The following SNAP29 variants were observed in gnomAD, a reference collection of about 807,000 sequenced individuals.
SNAP29 encodes the protein synaptosomal-associated protein 29.
Under a neutral mutation model 27.9 loss-of-function variants are expected in SNAP29, and 13 were observed. That is an observed-to-expected ratio of 0.47 (90% CI 0.30 to 0.74). The LOEUF (loss-of-function observed/expected upper bound fraction) is 0.74, where lower values mean the gene tolerates loss of function less well. SNAP29 is among the 30% of genes least tolerant of loss of function. The probability of loss-of-function intolerance (pLI) is 0.06; values close to 1 mark genes in which losing one functional copy is unlikely to be tolerated. For missense variants in SNAP29, 368 were observed against 336.5 expected, an observed-to-expected ratio of 1.09 and a Z score of -0.73; for synonymous variants, 119 against 127.1, an observed-to-expected ratio of 0.94 and a Z score of 0.43.
chr22:20,881,667 A>G (rs1928895628), intron 3 of SNAP29, among the ~76,000 whole-genome samples: 1 of 152,226 alleles, frequency 6.6e-6, no homozygotes, highest in Admixed American at 6.5e-5. Flanking sequence ...AGATCACGCC[A>G]CTGCACTATA....
chr22:20,876,335 G>C (rs964838516), intron 2 of SNAP29, among the ~76,000 whole-genome samples: 4 of 137,490 alleles, frequency 2.9e-5, no homozygotes, highest in African/African-American at 1.1e-4. Context: ...TCTGCTCACT[G>C]TATCCTCCAC....
intron 1 of SNAP29, among the ~76,000 whole-genome samples, chr22:20,867,533 C>T (rs1368985541): frequency 6.6e-6 from 1 of 152,190 alleles, no homozygotes; most frequent in Non-Finnish European, 1.5e-5. Context: ...GTCATTTCCT[C>T]TGCCTTCTGG....
At chr22:20,862,210 T>C (rs1294538243) in intron 1 of SNAP29, among the ~76,000 whole-genome samples, 1 of 152,234 alleles carries the variant, frequency 6.6e-6, no homozygotes, top group East Asian at 1.9e-4. Context: ...ATGGGTCACA[T>C]GATTGAGGAT....
intron 2 of SNAP29, chr22:20,870,959 G>C (rs1928576704): frequency 9.8e-6 from 3 of 305,012 alleles, no homozygotes; most frequent in Non-Finnish European, 1.9e-5. Flanking sequence ...CAACATAGTG[G>C]GAACCCAGTC....
rs556620539 is a variant in SNAP29 at position 20,887,932 on chromosome 22, T to G, written c.*96T>G. ...TCATTTACTATTTTAGTATGTAAAT[T>G]AATGTGTGTTTGCAAATGTTATAAT... is the stretch of plus-strand genomic sequence containing the variant. On this transcript the variant is annotated 3_prime_UTR_variant, in exon 5 of 5. Coordinates refer to ENST00000215730, the MANE Select transcript of SNAP29 (RefSeq NM_004782.4). 6 of 1,207,492 alleles carry G rather than the reference T, an allele frequency of 5.0e-6. No individual in the cohort carries two copies. In the Admixed American group the frequency reaches 1.1e-4, roughly 23 times the overall value. The allele number at this position is 1,207,492 out of a possible 1,614,324, so 74.8% of individuals were successfully genotyped here. A position where few individuals can be genotyped will look rare whatever the true frequency, so the allele number is the denominator to read the frequency against.
At chr22:20,880,761 C>T (rs1350582955) in intron 2 of SNAP29, among the ~76,000 whole-genome samples, 1 of 152,018 alleles carries the variant, frequency 6.6e-6, no homozygotes, top group Non-Finnish European at 1.5e-5. Context: ...CTCGTGGGCT[C>T]AGGCAATTCT....
In SNAP29 at chr22:20,870,592, G is replaced by A. The variant is rs1447542914; in HGVS notation, c.434+59G>A. On this transcript the variant is annotated intron_variant, in intron 2 of 4. Coordinates refer to ENST00000215730, the MANE Select transcript of SNAP29 (RefSeq NM_004782.4). ...AGCAGAAGTGGGGATTAGTGCAAAT[G>A]ACCAAGACTTTCAGTCCACGTCAGT... 14 of 1,506,054 alleles carry A rather than the reference G, an allele frequency of 9.3e-6. No homozygotes were observed. In the South Asian group the frequency reaches 1.5e-4, roughly 16 times the overall value. 93.3% of individuals were successfully genotyped at this position (1,506,054 alleles called of 1,614,324 possible).
At chr22:20,880,403 G>C (rs1324846201) in intron 2 of SNAP29, among the ~76,000 whole-genome samples, 1 of 151,750 alleles carries the variant, frequency 6.6e-6, no homozygotes, top group Non-Finnish European at 1.5e-5. Flanking sequence ...CTACTCGGGA[G>C]ACTAAGGCGG....
chr22:20,874,913 A>G (rs1928704254), intron 2 of SNAP29, among the ~76,000 whole-genome samples: 1 of 152,106 alleles, frequency 6.6e-6, no homozygotes, highest in Non-Finnish European at 1.5e-5. Flanking sequence ...TCCTCCATGT[A>G]CAAACTCAGG....
rs768916407 is a variant in SNAP29 at position 20,883,520 on chromosome 22, A to C, written c.570A>C (p.Pro190=). The C allele has an allele frequency of 6.2e-7, 1 of 1,613,816 alleles. No individual in the cohort carries two copies. The highest frequency in any genetic ancestry group is 8.5e-7 in the Non-Finnish European group (1 of 1,179,776). The change falls in exon 4 of 5, where the codon CCA becomes CCC. Residue 190 remains proline (P), a synonymous_variant. Transcript: ENST00000215730. ...CTGCCATGAGTACTGATGCTTACCC[A>C]AAGAACCCACACCTTCGAGCCTATC... is the stretch of plus-strand genomic sequence containing the variant. ...AGSAMSTDAY[P]KNPHLRAYHQ...
At chr22:20,864,748 C>T (rs1446523904) in intron 1 of SNAP29, among the ~76,000 whole-genome samples, 1 of 152,214 alleles carries the variant, frequency 6.6e-6, no homozygotes, top group Admixed American at 6.5e-5. Context: ...AGCACAATGT[C>T]CTTAAGCGTT....
intron 3 of SNAP29, among the ~76,000 whole-genome samples, chr22:20,882,663 C>T (rs1928916448): frequency 6.6e-6 from 1 of 152,160 alleles, no homozygotes; most frequent in African/African-American, 2.4e-5. Flanking sequence ...AAACCGGCCT[C>T]ATCACACCCT....
At chr22:20,886,073 A>G (rs1468193043) in intron 4 of SNAP29, among the ~76,000 whole-genome samples, 1 of 150,530 alleles carries the variant, frequency 6.6e-6, no homozygotes, top group Non-Finnish European at 1.5e-5. Context: ...GAGGCCATGA[A>G]TTTTAGTAAG....
At position 20,876,568 on chromosome 22, in the gene SNAP29, C is replaced by CTT. The variant is rs144163820; in HGVS notation, c.435-4465_435-4464dup. On this transcript the variant is annotated intron_variant, in intron 2 of 4. Coordinates refer to ENST00000215730, the MANE Select transcript of SNAP29 (RefSeq NM_004782.4). Reference sequence around the variant, plus strand: ...CCACTGTGCCTGGCCCACTTAAAAGCTTTTTTTTTTTTTTTTTGAGATGGA... The same window carrying CTT: ...CCACTGTGCCTGGCCCACTTAAAAGCTTTTTTTTTTTTTTTTTTTGAGATGGA... Among the ~76,000 whole-genome samples, 596 of 117,130 alleles carry CTT rather than the reference C, an allele frequency of 5.1e-3. 6 individuals carry two copies. The highest frequency in any genetic ancestry group is 0.043 in the East Asian group (164 of 3,846). The allele number at this position is 117,130 out of a possible 152,430, so 76.8% of individuals were successfully genotyped here.
intron 1 of SNAP29, among the ~76,000 whole-genome samples, chr22:20,868,468 A>T (rs541848215): frequency 2.0e-4 from 31 of 152,358 alleles, no homozygotes; most frequent in African/African-American, 7.2e-4. Context: ...TTCACCCATT[A>T]AACAAGGACT....
In SNAP29 at chr22:20,859,100, G is replaced by A; in HGVS notation, c.-11G>A. ...CCTTCTGTTTCCCAGACCGAGAGCC[G>A]CGCCGGCACCATGTCAGCTTACCCT... On this transcript the variant is annotated 5_prime_UTR_variant, in exon 1 of 5. Coordinates refer to ENST00000215730, the MANE Select transcript of SNAP29 (RefSeq NM_004782.4). The A allele has an allele frequency of 6.3e-7, 1 of 1,591,744 alleles. No individual in the cohort carries two copies. Among genetic ancestry groups the A allele is most frequent in the Non-Finnish European group, 8.6e-7 (1 of 1,164,758 alleles).
intron 3 of SNAP29, among the ~76,000 whole-genome samples, chr22:20,882,024 A>G (rs181346802): frequency 6.6e-6 from 1 of 152,180 alleles, no homozygotes; most frequent in Non-Finnish European, 1.5e-5. Context: ...GCAGAGTCAG[A>G]GATCTGAAGA....
rs112505480 is a variant in SNAP29 at position 20,885,698 on chromosome 22, G to A, written c.620-1981G>A. On this transcript the variant is annotated intron_variant, in intron 4 of 4. Coordinates refer to ENST00000215730, the MANE Select transcript of SNAP29 (RefSeq NM_004782.4). ...GTGCTGAGGGTGCACAGTTGGCACT[G>A]TGGACGAGCAGCTGGGCAGTTACCG... is the stretch of plus-strand genomic sequence containing the variant. 2.4e-3 allele frequency among the ~76,000 whole-genome samples: 373 copies of A among 152,330 alleles called. 1 individual carries two copies. Among genetic ancestry groups the A allele is most frequent in the African/African-American group, 8.3e-3 (344 of 41,574 alleles).
chr22:20,879,179 C>G (rs906955932), intron 2 of SNAP29, among the ~76,000 whole-genome samples: 1 of 151,914 alleles, frequency 6.6e-6, no homozygotes, highest in Non-Finnish European at 1.5e-5. Context: ...TGGTAGTGGG[C>G]GCCTGTAGTC....
Sources: gnomAD v4.1 joint callset for allele counts (sites outside exome capture counted in the v4.1 genomes callset) on GRCh38, gnomAD v4.1.1 for gene constraint, MANE v1.5 for transcripts, NCBI Gene and HGNC (gene_info 2026-07-23, HGNC 2026-07-21) for gene names.